Variants in RBP4 observed in about 807,000 individuals in gnomAD.
The protein encoded by RBP4 is retinol-binding protein 4.
RBP4 carries 9 observed loss-of-function variants against 26.2 expected under a neutral mutation model. The observed-to-expected ratio is 0.34, with a 90% CI of 0.21 to 0.60. RBP4 has a LOEUF of 0.60. Among genes scored for constraint, RBP4 ranks in the 20% least tolerant of loss-of-function variants. The pLI is 0.80. For missense variants in RBP4, 244 were observed against 271.3 expected (o/e 0.90, Z 0.71); for synonymous variants, 114 against 111.0 (o/e 1.03, Z -0.17).
intron 4 of RBP4, among the ~76,000 whole-genome samples, chr10:93,597,974 T>G (rs1049406120): frequency 1.3e-5 from 2 of 152,190 alleles, no homozygotes; most frequent in Non-Finnish European, 2.9e-5. Flanking sequence ...ACAAGGTAGG[T>G]GCATCAAGCC....
chr10:93,600,972 C>A lies in RBP4; in HGVS notation c.57G>T (p.Glu19Asp). The A allele has an allele frequency of 6.2e-7, 1 of 1,612,412 alleles. No individual in the cohort carries two copies. Among genetic ancestry groups the A allele is most frequent in the Non-Finnish European group, 8.5e-7 (1 of 1,179,756 alleles). Residue 19 changes from glutamate (E) to aspartate (D), a missense_variant, in exon 2 of 6, where the codon GAG becomes GAT. Coordinates refer to ENST00000371464, the MANE Select transcript of RBP4 (RefSeq NM_006744.4). Reference protein sequence around the residue: ...LLAALGSGRAERDCRVSSFRV... With the variant: ...LLAALGSGRADRDCRVSSFRV... ...GGAAGCTGCTCACTCGGCAGTCGCGCTCCGCGCGGCCGCTGCCCAGCGCCG... is the reference window on the plus strand; with the variant it reads ...GGAAGCTGCTCACTCGGCAGTCGCGATCCGCGCGGCCGCTGCCCAGCGCCG...
chr10:93,597,190 T>G (rs1215033702), intron 4 of RBP4, among the ~76,000 whole-genome samples: 1 of 152,160 alleles, frequency 6.6e-6, no homozygotes, highest in Non-Finnish European at 1.5e-5. Context: ...CCTAGTGTAT[T>G]TAGATATAGA....
intron 4 of RBP4, among the ~76,000 whole-genome samples, chr10:93,595,475 G>A (rs983965793): frequency 6.6e-6 from 1 of 152,210 alleles, no homozygotes; most frequent in African/African-American, 2.4e-5. Context: ...GCAAGGGAGT[G>A]TGATCCCAGA....
chr10:93,601,448 C>G, upstream of RBP4: 1 of 1,139,024 alleles, frequency 8.8e-7, no homozygotes, highest in African/African-American at 1.6e-5. Context: ...CGCGGGGTGG[C>G]CTCGGCCAGG....
chr10:93,594,558 C>T (rs540429767), intron 4 of RBP4, among the ~76,000 whole-genome samples: 1 of 152,314 alleles, frequency 6.6e-6, no homozygotes, highest in South Asian at 2.1e-4. Flanking sequence ...GATGCCACGC[C>T]CATGGTCACG....
At chr10:93,597,606 C>T (rs2058310462) in intron 4 of RBP4, among the ~76,000 whole-genome samples, 1 of 152,206 alleles carries the variant, frequency 6.6e-6, no homozygotes, top group Non-Finnish European at 1.5e-5. Flanking sequence ...AAGGGAAGAC[C>T]AGTATGGAGC....
Position 93,594,005 on chromosome 10 carries a change from T to C in RBP4, c.386A>G (p.Tyr129Cys), listed in dbSNP as rs377583528. ...NDDHWIVDTD[Y>C]DTYAVQYSCR... ...GGAGTACTGCACGGCATACGTGTCG[T>C]AGTCTGTGTCGACGATCCAGTGGTC... The change falls in exon 5 of 6, where the codon TAC (tyrosine) becomes TGC (cysteine). Residue 129 changes from tyrosine (Y) to cysteine (C), a missense_variant. Physicochemically the swap from Tyr to Cys is radical, Grantham distance 194. Transcript: ENST00000371464. The C allele has an allele frequency of 6.2e-7, 1 of 1,613,778 alleles. No homozygotes were observed. Among genetic ancestry groups the C allele is most frequent in the Non-Finnish European group, 8.5e-7 (1 of 1,180,030 alleles).
rs1345180631 is a variant in RBP4 at position 93,600,722 on chromosome 10, C to T, written c.193G>A (p.Val65Met). ...GCGCTCATCTGGCCGGTCTCGTCCA[C>T]GGAGAACTCCGCGACGATGTTGTCC... The part of the protein sequence containing the change: ...LQDNIVAEFS[V>M]DETGQMSATA... Residue 65 changes from valine to methionine, a missense_variant, in exon 3 of 6, where the codon GTG becomes ATG. By Grantham distance (21) the Val-to-Met change is conservative. Coordinates refer to ENST00000371464, the MANE Select transcript of RBP4 (RefSeq NM_006744.4). 1 of 1,610,734 alleles carries T rather than the reference C, an allele frequency of 6.2e-7. No homozygotes were observed. The highest frequency in any genetic ancestry group is 1.1e-5 in the South Asian group (1 of 90,270).
chr10:93,601,635 T>G (rs1382879283), upstream of RBP4: 1 of 773,960 alleles, frequency 1.3e-6, no homozygotes, highest in Admixed American at 1.7e-5. Flanking sequence ...GGTGCGTGAG[T>G]GCCCAGGCCC....
At chr10:93,599,144 G>A (rs536833266) in intron 4 of RBP4, among the ~76,000 whole-genome samples, 6 of 151,872 alleles carry the variant, frequency 4.0e-5, no homozygotes, top group African/African-American at 7.2e-5. Context: ...AGCTACTCAG[G>A]AGGCTGAGGT....
At chr10:93,596,518 A>G (rs2058304067) in intron 4 of RBP4, among the ~76,000 whole-genome samples, 1 of 152,052 alleles carries the variant, frequency 6.6e-6, no homozygotes, top group Non-Finnish European at 1.5e-5. Context: ...CCTCTGGAGA[A>G]CCAGACACCC....
rs1253875065 is a variant in RBP4, at chr10:93,601,176, G to T, written c.-24C>A. 3.6e-6 allele frequency: 5 copies of T among 1,399,488 alleles called. No homozygotes were observed. Among genetic ancestry groups the T allele is most frequent in the Admixed American group, 3.3e-5 (1 of 30,626 alleles). The allele number at this position is 1,399,488 out of a possible 1,614,324, so 86.7% of individuals were successfully genotyped here. A position where few individuals can be genotyped will look rare whatever the true frequency, so the allele number is the denominator to read the frequency against. Reference sequence around the variant, plus strand: ...AGGCCCCGGCCGCGACTCACCACCGGGAGGGGAACCGCGCGCAAGCCTGGC... The same window carrying T: ...AGGCCCCGGCCGCGACTCACCACCGTGAGGGGAACCGCGCGCAAGCCTGGC... On this transcript the variant is annotated 5_prime_UTR_variant, in exon 1 of 6. Coordinates refer to ENST00000371464, the MANE Select transcript of RBP4 (RefSeq NM_006744.4).
chr10:93,601,503 C>G, upstream of RBP4: 2 of 706,974 alleles, frequency 2.8e-6, no homozygotes, highest in South Asian at 3.9e-5. Flanking sequence ...GCACTCGTGC[C>G]AGCGGCCGCC....
At chr10:93,600,850 C>A in intron 2 of RBP4, 47 bp from the exon 3 acceptor site, 1 of 538,360 alleles carries the variant, frequency 1.9e-6, no homozygotes. Flanking sequence ...GGGCGCACGG[C>A]GGGCCGCGGG....
Position 93,600,374 on chromosome 10 carries a change from C to A in RBP4, c.355+19G>T, listed in dbSNP as rs900257822. ...AGGCGCCCCATTCCCAAGACAGTCC[C>A]ACAGAGCTGACTACTCACTTCCTTT... On this transcript the variant is annotated intron_variant, in intron 4 of 5. Coordinates refer to ENST00000371464, the MANE Select transcript of RBP4 (RefSeq NM_006744.4). 5 of 1,607,422 alleles carry A rather than the reference C, an allele frequency of 3.1e-6. No individual in the cohort carries two copies. Among genetic ancestry groups the A allele is most frequent in the Non-Finnish European group, 4.3e-6 (5 of 1,174,050 alleles).
At chr10:93,593,770 C>T in intron 5 of RBP4, 53 bp downstream of exon 5, 2 of 1,590,242 alleles carry the variant, frequency 1.3e-6, no homozygotes, top group East Asian at 4.5e-5. Flanking sequence ...GCCCCTTAGT[C>T]CAAACCCACT....
intron 3 of RBP4, 39 bp from the exon 4 acceptor site, chr10:93,600,538 A>G (rs767920425): frequency 6.2e-7 from 1 of 1,613,050 alleles, no homozygotes; most frequent in Non-Finnish European, 8.5e-7. Flanking sequence ...AGCCGGGCAA[A>G]GGGCTTCCTC....
At position 93,591,839 on chromosome 10, in the gene RBP4, C is replaced by G; in HGVS notation, c.*236G>C. ...TAAACACAAATGAAAACTAAAATCA[C>G]AGGACACGGGTGACTATAGTTTAAT... On this transcript the variant is annotated 3_prime_UTR_variant, in exon 6 of 6. Transcript: ENST00000371464. 1.8e-6 allele frequency: 1 copy of G among 549,352 alleles called. No individual in the cohort carries two copies. Among genetic ancestry groups the G allele is most frequent in the East Asian group, 3.1e-5 (1 of 32,586 alleles). 34.0% of individuals were successfully genotyped at this position (549,352 alleles called of 1,614,324 possible).
At chr10:93,601,606 C>A, upstream of RBP4, 7 of 746,334 alleles carry the variant, frequency 9.4e-6, no homozygotes, top group South Asian at 5.7e-5. Flanking sequence ...AGAGCGAGAG[C>A]GGACCCGCGA....
Sources: allele counts gnomAD v4.1 joint callset (sites outside exome capture counted in the v4.1 genomes callset), GRCh38; gene constraint gnomAD v4.1.1; transcripts MANE v1.5; gene names NCBI Gene and HGNC (gene_info 2026-07-23, HGNC 2026-07-21).